The following COP1 variants were observed in gnomAD, a reference collection of about 807,000 sequenced individuals.
COP1 encodes COP1 E3 ubiquitin ligase, also known as E3 ubiquitin-protein ligase COP1.
Under a neutral mutation model 101.3 loss-of-function variants are expected in COP1, and 24 were observed. That is an observed-to-expected ratio of 0.24 (90% CI 0.17 to 0.33). The LOEUF (loss-of-function observed/expected upper bound fraction) is 0.33. COP1 is among the 10% of genes least tolerant of loss of function. The pLI, the probability that COP1 is intolerant of heterozygous loss-of-function variation, is 1.00. For synonymous variants in COP1, 347 were observed against 341.9 expected (o/e 1.01, Z -0.17); for missense variants, 663 against 906.2 (o/e 0.73, Z 3.45).
intron 11 of COP1, among the ~76,000 whole-genome samples, chr1:176,069,978 CA>C (rs1676676202): frequency 6.6e-6 from 1 of 152,196 alleles, no homozygotes; most frequent in Non-Finnish European, 1.5e-5. Context: ...TATATATCTA[CA>C]ACTATGGTGT....
chr1:175,971,800 T>C (rs992197541), intron 18 of COP1, among the ~76,000 whole-genome samples: 3 of 152,246 alleles, frequency 2.0e-5, no homozygotes, highest in African/African-American at 7.2e-5. Context: ...TAGCCTTTGC[T>C]TTTGCTACTG....
intron 15 of COP1, among the ~76,000 whole-genome samples, chr1:175,997,078 C>A (rs1487411317): frequency 2.6e-5 from 4 of 151,944 alleles, no homozygotes; most frequent in Non-Finnish European, 5.9e-5. Context: ...AGAACACAGT[C>A]CTCAGAAATA....
intron 15 of COP1, among the ~76,000 whole-genome samples, chr1:176,016,382 T>TG (rs1665649455): frequency 6.6e-6 from 1 of 152,166 alleles, no homozygotes; most frequent in African/African-American, 2.4e-5. Context: ...TTTCCAGAAG[T>TG]GAGTGGTCAA....
Position 175,977,495 on chromosome 1 carries a change from G to A in COP1, c.2133+9448C>T, listed in dbSNP as rs148376111. 4.6e-3 allele frequency among the ~76,000 whole-genome samples: 696 copies of A among 152,050 alleles called. 2 individuals carry two copies. The highest frequency in any genetic ancestry group is 0.016 in the African/African-American group (661 of 41,490). On this transcript the variant is annotated intron_variant, in intron 18 of 19. Transcript: ENST00000367669. ...TAACCTTTTTATTTTCCTGGAAATA[G>A]CTGATGTCAACCCTGATAGCTTTAT... is the stretch of plus-strand genomic sequence containing the variant.
intron 3 of COP1, among the ~76,000 whole-genome samples, chr1:176,165,086 G>A (rs1260389798): frequency 6.6e-6 from 1 of 152,056 alleles, no homozygotes; most frequent in Non-Finnish European, 1.5e-5. Context: ...AAGCTCATAA[G>A]GATCCAAGCT....
rs375963866 is a variant in COP1 at position 175,951,205 on chromosome 1, T to C, written c.2134-3966A>G. 2.6e-3 allele frequency among the ~76,000 whole-genome samples: 398 copies of C among 151,898 alleles called. 3 individuals carry two copies. Among genetic ancestry groups the C allele is most frequent in the African/African-American group, 9.2e-3 (380 of 41,450 alleles). On this transcript the variant is annotated intron_variant, in intron 18 of 19. Coordinates refer to ENST00000367669, the MANE Select transcript of COP1 (RefSeq NM_022457.7). ...TGGAGGCTATGGTGAGCCAAGATCA[T>C]GCCACTGCACTACAGCCTGGCCAAC...
At position 175,976,901 on chromosome 1, in the gene COP1, G is replaced by T. The variant is rs184568731; in HGVS notation, c.2133+10042C>A. 1.1e-4 allele frequency among the ~76,000 whole-genome samples: 16 copies of T among 152,108 alleles called. No individual in the cohort carries two copies. In the East Asian group the frequency reaches 2.7e-3, roughly 26 times the overall value. ...TAACAAGTCTTCTTAGCAATTAAAAGAAAAAATGATAAACTCTTGTATCTC... is the reference window on the plus strand; with the variant it reads ...TAACAAGTCTTCTTAGCAATTAAAATAAAAAATGATAAACTCTTGTATCTC... On this transcript the variant is annotated intron_variant, in intron 18 of 19. Coordinates refer to ENST00000367669, the MANE Select transcript of COP1 (RefSeq NM_022457.7).
intron 9 of COP1, among the ~76,000 whole-genome samples, chr1:176,096,003 T>C (rs562254399): frequency 6.6e-6 from 1 of 152,354 alleles, no homozygotes; most frequent in East Asian, 1.9e-4. Flanking sequence ...CACTGTACTT[T>C]ATCTGCTAGC....
At chr1:175,971,467 T>C (rs576864683) in intron 18 of COP1, among the ~76,000 whole-genome samples, 1 of 152,062 alleles carries the variant, frequency 6.6e-6, no homozygotes, top group Non-Finnish European at 1.5e-5. Context: ...CAAAGGGAGT[T>C]TGTTGAAAAT....
chr1:175,982,409 G>T (rs1298427447), intron 18 of COP1: 1 of 456,500 alleles, frequency 2.2e-6, no homozygotes, highest in Admixed American at 2.3e-5. Context: ...TCCAGAGAAA[G>T]ACCAACCCCA....
intron 8 of COP1, among the ~76,000 whole-genome samples, chr1:176,122,357 G>A (rs1196760159): frequency 2.0e-5 from 3 of 152,040 alleles, no homozygotes; most frequent in African/African-American, 7.2e-5. Context: ...CATGGCATAT[G>A]TACTCTGTTA....
At position 175,947,247 on chromosome 1, in the gene COP1, A is replaced by T; in HGVS notation, c.2134-8T>A. 1 of 1,600,892 alleles carries T rather than the reference A, an allele frequency of 6.2e-7. No homozygotes were observed. Among genetic ancestry groups the T allele is most frequent in the South Asian group, 1.1e-5 (1 of 90,800 alleles). On this transcript the variant is annotated splice_polypyrimidine_tract_variant and splice_region_variant and intron_variant, in intron 18 of 19. Coordinates refer to ENST00000367669, the MANE Select transcript of COP1 (RefSeq NM_022457.7). ...AATCAGCACATTGGACTCCTAGAAA[A>T]GAACAAGAGCTTTTAAAGTATAGAG...
intron 9 of COP1, among the ~76,000 whole-genome samples, chr1:176,109,555 G>C (rs994032550): frequency 4.0e-5 from 6 of 151,760 alleles, no homozygotes; most frequent in African/African-American, 1.2e-4. Context: ...TTGTACTAAT[G>C]AACTTTACAA....
At position 175,960,381 on chromosome 1, in the gene COP1, TCAAA is replaced by T. The variant is rs71663211; in HGVS notation, c.2134-13146_2134-13143del. Among the ~76,000 whole-genome samples the T allele has an allele frequency of 4.5e-3, 688 of 152,282 alleles. 5 individuals carry two copies. Among genetic ancestry groups the T allele is most frequent in the African/African-American group, 0.015 (635 of 41,562 alleles). ...TAAGCTAACAGAACCATTTTTATGA[TCAAA>T]CAGACACATACATAAGTGCCTGGCA... On this transcript the variant is annotated intron_variant, in intron 18 of 19. Coordinates refer to ENST00000367669, the MANE Select transcript of COP1 (RefSeq NM_022457.7).
intron 9 of COP1, among the ~76,000 whole-genome samples, chr1:176,110,795 A>G (rs914300983): frequency 2.0e-5 from 3 of 152,212 alleles, no homozygotes; most frequent in Non-Finnish European, 4.4e-5. Context: ...CTTACTAGCT[A>G]TATTATCTGA....
intron 9 of COP1, chr1:176,100,121 G>A (rs1683132133): frequency 6.5e-6 from 1 of 152,944 alleles, no homozygotes; most frequent in African/African-American, 2.4e-5. Context: ...AGGGTGCGGT[G>A]GCTCACGCCT....
intron 15 of COP1, among the ~76,000 whole-genome samples, chr1:175,995,117 A>T (rs1302980917): frequency 2.6e-5 from 4 of 152,226 alleles, no homozygotes; most frequent in Admixed American, 2.6e-4. Context: ...AACTACATGG[A>T]AAGTGAACAA....
intron 5 of COP1, among the ~76,000 whole-genome samples, chr1:176,151,342 G>A (rs1268745638): frequency 1.1e-3 from 92 of 86,070 alleles, no homozygotes; most frequent in Middle Eastern, 7.2e-3. Context: ...AAAGAAGGAA[G>A]GAAAGAAAGA....
At chr1:176,151,445 T>C (rs1692575328) in intron 5 of COP1, among the ~76,000 whole-genome samples, 1 of 152,038 alleles carries the variant, frequency 6.6e-6, no homozygotes, top group African/African-American at 2.4e-5. Flanking sequence ...TACTCTCTAC[T>C]CTCAGTACTC....
Sources: allele counts gnomAD v4.1 joint callset (sites outside exome capture counted in the v4.1 genomes callset), GRCh38; gene constraint gnomAD v4.1.1; transcripts MANE v1.5; gene names NCBI Gene and HGNC (gene_info 2026-07-23, HGNC 2026-07-21).